NSUN6: variants seen among roughly 807,000 people sequenced by gnomAD.
NSUN6 encodes NOP2/Sun RNA methyltransferase 6.
NSUN6 carries 64 observed loss-of-function variants against 58.0 expected under a neutral mutation model. The observed-to-expected ratio is 1.10, with a 90% CI of 0.90 to 1.36. NSUN6 has a LOEUF of 1.36. NSUN6 is among the 40% of genes most tolerant of loss of function. The pLI is 0.00. For synonymous variants in NSUN6, 231 were observed against 193.9 expected (o/e 1.19, Z -1.59); for missense variants, 701 against 550.1 (o/e 1.27, Z -2.74).
At chr10:18,562,746 AAT>A in intron 8 of NSUN6, among the ~76,000 whole-genome samples, 1 of 150,260 alleles carries the variant, frequency 6.7e-6, no homozygotes, top group African/African-American at 2.4e-5. Flanking sequence ...TGGAATGGAG[AAT>A]GAACTGGAAT....
chr10:18,658,535 C>A (rs759123906), upstream of NSUN6: 5 of 220,248 alleles, frequency 2.3e-5, no homozygotes, highest in Non-Finnish European at 3.8e-5. Flanking sequence ...AATTACACAG[C>A]GAATTGGCTT....
intron 8 of NSUN6, among the ~76,000 whole-genome samples, chr10:18,566,039 CACTCTATTCCATTCTCCATTCT>C (rs1316565065): frequency 4.6e-5 from 7 of 151,268 alleles, no homozygotes; most frequent in East Asian, 1.9e-4. Flanking sequence ...TTCTCCATTC[CACTCTATTCCATTCTCCATTCT>C]ACTCTATTCC....
At chr10:18,556,034 G>A (rs181969020) in intron 8 of NSUN6, among the ~76,000 whole-genome samples, 1 of 151,404 alleles carries the variant, frequency 6.6e-6, no homozygotes, top group Non-Finnish European at 1.5e-5. Context: ...GACTGGAATG[G>A]AGAATGGTGT....
At chr10:18,555,128 GAATGT>G (rs1226840875) in intron 8 of NSUN6, among the ~76,000 whole-genome samples, 2 of 150,484 alleles carry the variant, frequency 1.3e-5, no homozygotes, top group African/African-American at 2.4e-5. Context: ...AGGAAATGGA[GAATGT>G]AATGTAATGG....
chr10:18,558,158 T>C (rs1355761600), intron 8 of NSUN6, among the ~76,000 whole-genome samples: 2 of 147,266 alleles, frequency 1.4e-5, no homozygotes, highest in Non-Finnish European at 3.0e-5. Flanking sequence ...GAATGAAGAA[T>C]GGAATGGAGA....
intron 8 of NSUN6, among the ~76,000 whole-genome samples, chr10:18,579,993 T>C (rs186595831): frequency 1.2e-3 from 185 of 152,278 alleles, no homozygotes; most frequent in African/African-American, 4.1e-3. Context: ...CCAAGATTTA[T>C]TTTCCTTTCG....
chr10:18,604,562 C>T (rs910062849), intron 6 of NSUN6, among the ~76,000 whole-genome samples: 2 of 151,984 alleles, frequency 1.3e-5, no homozygotes, highest in Non-Finnish European at 1.5e-5. Context: ...TAACAAATCC[C>T]ACAAGATTTT....
At chr10:18,624,952 C>T (rs1199298286) in intron 3 of NSUN6, among the ~76,000 whole-genome samples, 29 of 152,282 alleles carry the variant, frequency 1.9e-4, no homozygotes, top group African/African-American at 6.0e-4. Flanking sequence ...CTGGGAATTT[C>T]GGTACATGCT....
Position 18,642,559 on chromosome 10 carries a change from T to G in NSUN6, c.232-4A>C. ...GAACACTTAATCCATTAAACTGCTG[T>G]TAAAGATAAACATGATTATAAAGTA... On this transcript the variant is annotated splice_polypyrimidine_tract_variant and splice_region_variant and intron_variant, in intron 2 of 10. Coordinates refer to ENST00000377304, the MANE Select transcript of NSUN6 (RefSeq NM_182543.5). 2.2e-6 allele frequency: 3 copies of G among 1,394,566 alleles called. No homozygotes were observed. The highest frequency in any genetic ancestry group is 3.0e-6 in the Non-Finnish European group (3 of 983,766). The allele number at this position is 1,394,566 out of a possible 1,614,324, so 86.4% of individuals were successfully genotyped here. A position where few individuals can be genotyped will look rare whatever the true frequency, so the allele number is the denominator to read the frequency against.
chr10:18,601,519 C>CCTCT (rs1554870322), intron 6 of NSUN6, among the ~76,000 whole-genome samples: 1 of 140,928 alleles, frequency 7.1e-6, no homozygotes, highest in African/African-American at 2.6e-5. Context: ...GAGTAATTTT[C>CCTCT]CTAGTGGCTG....
intron 6 of NSUN6, among the ~76,000 whole-genome samples, chr10:18,601,939 C>T (rs575835165): frequency 6.7e-6 from 1 of 149,558 alleles, no homozygotes; most frequent in Non-Finnish European, 1.5e-5. Flanking sequence ...CACCACTGCA[C>T]TCCAGCCTGG....
At chr10:18,558,786 A>C (rs1405542396) in intron 8 of NSUN6, among the ~76,000 whole-genome samples, 4 of 148,712 alleles carry the variant, frequency 2.7e-5, no homozygotes, top group Non-Finnish European at 4.5e-5. Flanking sequence ...AATGGAATTG[A>C]GAATGGAATG....
intron 8 of NSUN6, among the ~76,000 whole-genome samples, chr10:18,581,138 G>A (rs2056886284): frequency 6.6e-6 from 1 of 152,042 alleles, no homozygotes; most frequent in African/African-American, 2.4e-5. Flanking sequence ...GCTCGCACTT[G>A]GGAGGGGAGC....
chr10:18,602,921 G>A (rs1288949983), intron 6 of NSUN6, among the ~76,000 whole-genome samples: 1 of 152,190 alleles, frequency 6.6e-6, no homozygotes, highest in African/African-American at 2.4e-5. Context: ...GGCTTATCAA[G>A]CTAATATCAG....
At chr10:18,629,671 T>C (rs984686015) in intron 3 of NSUN6, among the ~76,000 whole-genome samples, 30 of 151,596 alleles carry the variant, frequency 2.0e-4, no homozygotes, top group African/African-American at 7.3e-4. Context: ...CATTACATAA[T>C]GGTAAAGGGA....
intron 6 of NSUN6, among the ~76,000 whole-genome samples, chr10:18,601,977 GA>G (rs879292600): frequency 7.4e-5 from 11 of 149,046 alleles, no homozygotes; most frequent in East Asian, 6.0e-4. Flanking sequence ...TATCTCGGGG[GA>G]AAAAAAAAGG....
At chr10:18,607,201 T>C (rs892294311) in intron 6 of NSUN6, among the ~76,000 whole-genome samples, 1 of 152,250 alleles carries the variant, frequency 6.6e-6, no homozygotes, top group Non-Finnish European at 1.5e-5. Flanking sequence ...CATTCAAGTA[T>C]GTTTGCCTGA....
Position 18,651,459 on chromosome 10 carries a change from G to C in NSUN6, c.-256C>G. 8.4e-7 allele frequency: 1 copy of C among 1,186,516 alleles called. No homozygotes were observed. Among genetic ancestry groups the C allele is most frequent in the South Asian group, 3.5e-5 (1 of 28,906 alleles). 73.5% of individuals were successfully genotyped at this position (1,186,516 alleles called of 1,614,324 possible). On this transcript the variant is annotated 5_prime_UTR_variant, in exon 1 of 11. Coordinates refer to ENST00000377304, the MANE Select transcript of NSUN6 (RefSeq NM_182543.5). ...GGTAGAGATGCTCATGGAAATCACTGAGCCAATGCCACTCACGTTGCAAAG... is the reference window on the plus strand; with the variant it reads ...GGTAGAGATGCTCATGGAAATCACTCAGCCAATGCCACTCACGTTGCAAAG...
At chr10:18,587,392 T>C (rs1394640681) in intron 7 of NSUN6, among the ~76,000 whole-genome samples, 1 of 152,164 alleles carries the variant, frequency 6.6e-6, no homozygotes, top group South Asian at 2.1e-4. Flanking sequence ...CTGTATAGCA[T>C]AGCAAAATAT....
Sources: allele counts gnomAD v4.1 joint callset (sites outside exome capture counted in the v4.1 genomes callset), GRCh38; gene constraint gnomAD v4.1.1; transcripts MANE v1.5; gene names NCBI Gene and HGNC (gene_info 2026-07-23, HGNC 2026-07-21).